CUX2: variants seen among roughly 807,000 people sequenced by gnomAD.
The protein encoded by CUX2 is homeobox protein cut-like 2.
In CUX2, 40 loss-of-function variants were observed where a neutral mutation model predicts 144.8. The observed-to-expected ratio is 0.28, with a 90% CI of 0.21 to 0.36. CUX2 has a LOEUF of 0.36. CUX2 is among the 10% of genes least tolerant of loss of function. The pLI is 1.00. For missense variants in CUX2, 1,615 were observed against 1,994.0 expected (o/e 0.81, Z 3.62); for synonymous variants, 827 against 875.6 (o/e 0.94, Z 0.98).
At chr12:111,327,060 C>A (rs927874659) in intron 18 of CUX2, among the ~76,000 whole-genome samples, 1 of 152,208 alleles carries the variant, frequency 6.6e-6, no homozygotes, top group Admixed American at 6.5e-5. Context: ...AAAAGGAACC[C>A]CATACCCATC....
Position 111,057,743 on chromosome 12 carries a change from T to G in CUX2, c.63+23503T>G, listed in dbSNP as rs2136017701. On this transcript the variant is annotated intron_variant, in intron 1 of 21. Coordinates refer to ENST00000261726, the MANE Select transcript of CUX2 (RefSeq NM_015267.4). This position sits in a 1 kb window ranked among gnomAD's most constrained non-coding sequence, Gnocchi z 5.1. ...AAAAGCAGCTAATTAACATTATTCT[T>G]TAATTATTGCCTTTATCAACAAGGG... Among the ~76,000 whole-genome samples the G allele has an allele frequency of 6.6e-6, 1 of 152,346 alleles. No homozygotes were observed. The highest frequency in any genetic ancestry group is 2.1e-4 in the South Asian group (1 of 4,834).
chr12:111,107,541 C>A (rs1035865039), intron 1 of CUX2, among the ~76,000 whole-genome samples: 1 of 152,232 alleles, frequency 6.6e-6, no homozygotes, highest in Non-Finnish European at 1.5e-5. Flanking sequence ...CAGTTCCCAC[C>A]GTATTCTGTT....
At chr12:111,318,055 T>TTTGTTG (rs574274806) in intron 16 of CUX2, among the ~76,000 whole-genome samples, 10 of 151,310 alleles carry the variant, frequency 6.6e-5, no homozygotes, top group African/African-American at 2.2e-4. Flanking sequence ...TGGACTTGTT[T>TTTGTTG]TTGTTGTTGT....
At chr12:111,297,035 C>T (rs1433252492) in intron 8 of CUX2, among the ~76,000 whole-genome samples, 2 of 143,564 alleles carry the variant, frequency 1.4e-5, no homozygotes, top group Non-Finnish European at 1.5e-5. Flanking sequence ...CTCCCAGACA[C>T]GCCTCCTCCC....
At chr12:111,115,351 T>C (rs939459130) in intron 1 of CUX2, among the ~76,000 whole-genome samples, 2 of 148,244 alleles carry the variant, frequency 1.3e-5, no homozygotes, top group African/African-American at 5.0e-5. Flanking sequence ...AGTGGCGTGA[T>C]CTTGGCTCAC....
intron 1 of CUX2, among the ~76,000 whole-genome samples, chr12:111,066,621 G>A (rs1260407055): frequency 6.6e-6 from 1 of 152,202 alleles, no homozygotes; most frequent in African/African-American, 2.4e-5. Context: ...CTTTATACAA[G>A]TGACAAGTAT....
At chr12:111,158,717 A>G (rs1224172421) in intron 1 of CUX2, among the ~76,000 whole-genome samples, 1 of 152,206 alleles carries the variant, frequency 6.6e-6, no homozygotes, top group Non-Finnish European at 1.5e-5. Context: ...TTGTGAGATT[A>G]TTATATTGAA....
At chr12:111,268,537 C>G (rs1248208769) in intron 4 of CUX2, among the ~76,000 whole-genome samples, 1 of 152,250 alleles carries the variant, frequency 6.6e-6, no homozygotes, top group East Asian at 1.9e-4. Context: ...AACAGTCCAG[C>G]CACGTGAGTT....
At chr12:111,253,884 A>C (rs913793710) in intron 3 of CUX2, among the ~76,000 whole-genome samples, 1 of 140,348 alleles carries the variant, frequency 7.1e-6, no homozygotes, top group African/African-American at 2.7e-5. Context: ...GGTTTTTGCC[A>C]TTTTTGTTTT....
chr12:111,131,814 C>T (rs1019727607), intron 1 of CUX2, among the ~76,000 whole-genome samples: 5 of 152,220 alleles, frequency 3.3e-5, no homozygotes, highest in African/African-American at 9.6e-5. Flanking sequence ...GGCAGCTCCA[C>T]CCCTGTGGCT....
intron 1 of CUX2, among the ~76,000 whole-genome samples, chr12:111,166,060 C>T (rs1444480972): frequency 6.6e-6 from 1 of 152,084 alleles, no homozygotes; most frequent in African/African-American, 2.4e-5. Context: ...TCGCTGTCAC[C>T]CAGGCTGGGG....
chr12:111,292,493 G>C (rs1885743268), intron 5 of CUX2, among the ~76,000 whole-genome samples: 1 of 152,198 alleles, frequency 6.6e-6, no homozygotes, highest in Non-Finnish European at 1.5e-5. Context: ...GGGAGGCTTA[G>C]GCAGGAGAAT....
chr12:111,140,159 C>A (rs959794400), intron 1 of CUX2, among the ~76,000 whole-genome samples: 3 of 152,174 alleles, frequency 2.0e-5, no homozygotes, highest in South Asian at 4.1e-4. Context: ...AGTGTTGAAA[C>A]CTTCCAGGTC....
chr12:111,089,935 G>T (rs891424272), intron 1 of CUX2, among the ~76,000 whole-genome samples: 4 of 152,206 alleles, frequency 2.6e-5, no homozygotes, highest in Non-Finnish European at 5.9e-5. Context: ...CATTTTGAGG[G>T]TGATGGGAGC....
rs144776437 is a variant in CUX2 at position 111,055,044 on chromosome 12, G to A, written c.63+20804G>A. On this transcript the variant is annotated intron_variant, in intron 1 of 21. Transcript: ENST00000261726. Reference sequence around the variant, plus strand: ...CAGTCTGACTCCACAGTCCATGTTCGTACGCTCTCCTGTCTCTTGTTATTT... The same window carrying A: ...CAGTCTGACTCCACAGTCCATGTTCATACGCTCTCCTGTCTCTTGTTATTT... Among the ~76,000 whole-genome samples the A allele has an allele frequency of 1.8e-3, 277 of 152,348 alleles. 1 individual carries two copies. The highest frequency in any genetic ancestry group is 6.2e-3 in the African/African-American group (256 of 41,590).
chr12:111,341,344 C>T (rs952872120), intron 20 of CUX2, among the ~76,000 whole-genome samples: 5 of 152,050 alleles, frequency 3.3e-5, no homozygotes, highest in Admixed American at 2.6e-4. Context: ...ACCTGTAATC[C>T]CAGCTACTTG....
intron 1 of CUX2, among the ~76,000 whole-genome samples, chr12:111,056,067 G>A (rs112724492): frequency 6.6e-6 from 1 of 152,206 alleles, no homozygotes; most frequent in African/African-American, 2.4e-5. Context: ...GTTGAGATCC[G>A]AGGCAAAAGG....
chr12:111,349,179 A>G lies in CUX2; in HGVS notation c.*854A>G, dbSNP rs1024470158. On this transcript the variant is annotated 3_prime_UTR_variant, in exon 22 of 22. Coordinates refer to ENST00000261726, the MANE Select transcript of CUX2 (RefSeq NM_015267.4). ...TGGAGGTCAGACATCCATCTTGTCC[A>G]TCTATAGGCAAGAAGTGTTTCCAGA... The G allele has an allele frequency of 6.6e-6, 1 of 152,250 alleles. No individual in the cohort carries two copies. The highest frequency in any genetic ancestry group is 1.5e-5 in the Non-Finnish European group (1 of 68,082). The allele number at this position is 152,250 out of a possible 1,614,324, so 9.4% of individuals were successfully genotyped here. A position where few individuals can be genotyped will look rare whatever the true frequency, so the allele number is the denominator to read the frequency against.
At chr12:111,339,189 G>A (rs185179337) in intron 20 of CUX2, among the ~76,000 whole-genome samples, 18 of 151,834 alleles carry the variant, frequency 1.2e-4, no homozygotes, top group Admixed American at 2.6e-4. Context: ...CTGAGATCAC[G>A]CCACTGCACT....
Sources: gnomAD v4.1 joint callset for allele counts (sites outside exome capture counted in the v4.1 genomes callset) on GRCh38, gnomAD v4.1.1 for gene constraint, Gnocchi (gnomAD v3.1) non-coding constraint, MANE v1.5 for transcripts, NCBI Gene and HGNC (gene_info 2026-07-23, HGNC 2026-07-21) for gene names.